PTN: variants seen among roughly 807,000 people sequenced by gnomAD.
PTN encodes the protein heparin affin regulatory protein.
PTN carries 18 observed loss-of-function variants against 24.1 expected under a neutral mutation model. The ratio of observed to expected loss-of-function variants is 0.75; its 90% CI spans 0.52 to 1.11. The LOEUF (loss-of-function observed/expected upper bound fraction) is 1.11, where lower values mean the gene tolerates loss of function less well. PTN is among the 50% of genes least tolerant of loss of function. The pLI, the probability that PTN is intolerant of heterozygous loss-of-function variation, is 0.00. For synonymous variants in PTN, 78 were observed against 68.6 expected (o/e 1.14, Z -0.67); for missense variants, 163 against 198.8 (o/e 0.82, Z 1.08).
At chr7:137,335,173 C>T (rs957201973) in intron 1 of PTN, among the ~76,000 whole-genome samples, 3 of 151,276 alleles carry the variant, frequency 2.0e-5, no homozygotes, top group African/African-American at 4.9e-5. Flanking sequence ...TGCACATGTA[C>T]CCTAAAACTT....
At chr7:137,318,234 C>A (rs1254347728) in intron 1 of PTN, among the ~76,000 whole-genome samples, 1 of 152,188 alleles carries the variant, frequency 6.6e-6, no homozygotes, top group Non-Finnish European at 1.5e-5. Flanking sequence ...TGCCACTGCA[C>A]TCCAGACCGG....
chr7:137,326,576 G>C (rs149060577), intron 1 of PTN: 137 of 152,286 alleles, frequency 9.0e-4, no homozygotes, highest in African/African-American at 2.8e-3. Context: ...AGTGGGGAGA[G>C]ATAGTCATTT....
At chr7:137,320,573 C>T (rs940719360) in intron 1 of PTN, among the ~76,000 whole-genome samples, 13 of 151,842 alleles carry the variant, frequency 8.6e-5, no homozygotes, top group African/African-American at 1.2e-4. Context: ...GAAATAAAAA[C>T]GGGAAAAATT....
chr7:137,327,244 T>C (rs930093490), intron 1 of PTN, among the ~76,000 whole-genome samples: 2 of 152,208 alleles, frequency 1.3e-5, no homozygotes, highest in Admixed American at 6.6e-5. Context: ...CCAATTCTTT[T>C]CTTCTCTGTT....
intron 2 of PTN, 68 bp from the exon 3 acceptor site, chr7:137,253,705 C>T (rs1470783424): frequency 1.6e-6 from 2 of 1,276,068 alleles, no homozygotes; most frequent in Admixed American, 6.6e-5. Flanking sequence ...TAACCAAGTT[C>T]ATTCCTGAGC....
chr7:137,315,906 A>G (rs554159421), intron 1 of PTN, among the ~76,000 whole-genome samples: 21 of 152,298 alleles, frequency 1.4e-4, no homozygotes, highest in Non-Finnish European at 2.8e-4. Context: ...GCATATTGAA[A>G]AAAATGCACC....
intron 1 of PTN, among the ~76,000 whole-genome samples, chr7:137,300,817 C>T (rs1809794986): frequency 6.6e-6 from 1 of 151,954 alleles, no homozygotes; most frequent in Non-Finnish European, 1.5e-5. Flanking sequence ...AAATCATTAA[C>T]TCCAATTTCT....
intron 1 of PTN, among the ~76,000 whole-genome samples, chr7:137,267,268 GTCTC>G (rs1809169098): frequency 1.3e-5 from 2 of 149,662 alleles, no homozygotes; most frequent in Non-Finnish European, 3.0e-5. Flanking sequence ...CTCCTTCTTT[GTCTC>G]TCTGTCTCTT....
intron 1 of PTN, among the ~76,000 whole-genome samples, chr7:137,321,556 T>A (rs1449785129): frequency 6.6e-6 from 1 of 152,214 alleles, no homozygotes; most frequent in African/African-American, 2.4e-5. Context: ...CAAAGATATT[T>A]TATATATAGG....
At chr7:137,332,800 A>C (rs1451524485) in intron 1 of PTN, among the ~76,000 whole-genome samples, 1 of 152,194 alleles carries the variant, frequency 6.6e-6, no homozygotes, top group Non-Finnish European at 1.5e-5. Flanking sequence ...TGATGTTCAT[A>C]AGCTCACAAA....
At chr7:137,321,617 T>C (rs898419506) in intron 1 of PTN, among the ~76,000 whole-genome samples, 1 of 152,184 alleles carries the variant, frequency 6.6e-6, no homozygotes, top group Non-Finnish European at 1.5e-5. Flanking sequence ...GAAGATTGGG[T>C]GGCTTTTCTT....
At chr7:137,237,564 A>C (rs972378494) in intron 4 of PTN, among the ~76,000 whole-genome samples, 7 of 152,154 alleles carry the variant, frequency 4.6e-5, no homozygotes, top group Non-Finnish European at 8.8e-5. Context: ...TAATTTTTAA[A>C]TTTTAAGTCA....
chr7:137,310,470 T>C (rs1310458582), intron 1 of PTN, among the ~76,000 whole-genome samples: 1 of 150,816 alleles, frequency 6.6e-6, no homozygotes, highest in Non-Finnish European at 1.5e-5. Context: ...TGATCTTGGC[T>C]CACTGCAACC....
intron 4 of PTN, among the ~76,000 whole-genome samples, chr7:137,228,864 T>A (rs6952296): frequency 0.018 from 2,696 of 151,940 alleles, 73 homozygotes; most frequent in African/African-American, 0.062. Flanking sequence ...TCAGAATCAC[T>A]GGGTTAGCAA....
intron 1 of PTN, among the ~76,000 whole-genome samples, chr7:137,298,700 T>C (rs1437332733): frequency 6.6e-6 from 1 of 151,948 alleles, no homozygotes; most frequent in Non-Finnish European, 1.5e-5. Flanking sequence ...GAAGGAAGCA[T>C]CCAACTCTGT....
At chr7:137,265,364 T>C (rs1432563453) in intron 1 of PTN, among the ~76,000 whole-genome samples, 1 of 152,170 alleles carries the variant, frequency 6.6e-6, no homozygotes, top group Admixed American at 6.5e-5. Flanking sequence ...CTCCAGTTAT[T>C]CGGCAGAGTG....
intron 4 of PTN, among the ~76,000 whole-genome samples, chr7:137,239,212 C>T (rs568483496): frequency 1.7e-4 from 26 of 152,222 alleles, no homozygotes; most frequent in Non-Finnish European, 2.9e-4. Context: ...GCTCATTGTG[C>T]CTTCACAGTG....
At chr7:137,255,029 A>G (rs1808896929) in intron 1 of PTN, 55 bp from the exon 2 acceptor site, 1 of 1,269,120 alleles carries the variant, frequency 7.9e-7, no homozygotes, top group Admixed American at 2.0e-5. Context: ...TCAGAAAGGA[A>G]GATTCATTGA....
chr7:137,237,680 C>G (rs183074561), intron 4 of PTN, among the ~76,000 whole-genome samples: 35 of 152,242 alleles, frequency 2.3e-4, no homozygotes, highest in African/African-American at 7.9e-4. Context: ...AACATGTCCT[C>G]CCAGCTGTAA....
Sources: allele counts gnomAD v4.1 joint callset (sites outside exome capture counted in the v4.1 genomes callset), GRCh38; gene constraint gnomAD v4.1.1; transcripts MANE v1.5; gene names NCBI Gene and HGNC (gene_info 2026-07-23, HGNC 2026-07-21).